The following PRKAR2A variants were observed in gnomAD, a reference collection of about 807,000 sequenced individuals.
PRKAR2A encodes protein kinase cAMP-dependent type II regulatory subunit alpha, also known as cAMP-dependent protein kinase type II-alpha regulatory subunit.
PRKAR2A carries 29 observed loss-of-function variants against 51.9 expected under a neutral mutation model. That is an observed-to-expected ratio of 0.56 (90% CI 0.42 to 0.76). The LOEUF (loss-of-function observed/expected upper bound fraction) is 0.76, where lower values mean the gene tolerates loss of function less well. PRKAR2A is among the 30% of genes least tolerant of loss of function. The pLI, the probability that PRKAR2A is intolerant of heterozygous loss-of-function variation, is 0.00. For synonymous variants in PRKAR2A, 178 were observed against 186.2 expected (o/e 0.96, Z 0.36); for missense variants, 445 against 512.1 (o/e 0.87, Z 1.26).
intron 4 of PRKAR2A, among the ~76,000 whole-genome samples, chr3:48,787,112 C>G (rs934095587): frequency 6.6e-6 from 1 of 152,064 alleles, no homozygotes; most frequent in African/African-American, 2.4e-5. Flanking sequence ...GGATCCTGGA[C>G]TGGATCCTCT....
At chr3:48,806,704 A>G (rs1254214222) in intron 2 of PRKAR2A, among the ~76,000 whole-genome samples, 1 of 152,230 alleles carries the variant, frequency 6.6e-6, no homozygotes, top group African/African-American at 2.4e-5. Flanking sequence ...TATACCAGAT[A>G]AAAGGGCAAA....
intron 1 of PRKAR2A, among the ~76,000 whole-genome samples, chr3:48,813,056 CA>C (rs2082802507): frequency 6.6e-6 from 1 of 151,890 alleles, no homozygotes. Flanking sequence ...TTTCTGGATA[CA>C]GAAGACAAAA....
intron 1 of PRKAR2A, among the ~76,000 whole-genome samples, chr3:48,821,211 T>C (rs984174820): frequency 1.3e-5 from 2 of 152,130 alleles, no homozygotes; most frequent in Admixed American, 6.5e-5. Context: ...AAGTCAGAGA[T>C]GACACAGAGC....
chr3:48,790,724 T>C, intron 3 of PRKAR2A, 97 bp from the exon 4 acceptor site: 1 of 711,756 alleles, frequency 1.4e-6, no homozygotes. Flanking sequence ...GTGGGAAAAA[T>C]AAAGAGCATG....
chr3:48,756,416 A>G lies in PRKAR2A; in HGVS notation c.902T>C (p.Ile301Thr). The G allele has an allele frequency of 6.2e-7, 1 of 1,614,028 alleles. No individual in the cohort carries two copies. Among genetic ancestry groups the G allele is most frequent in the Non-Finnish European group, 8.5e-7 (1 of 1,179,964 alleles). ...CAAGATGCTCACTTCGCCAGACTCT[A>G]TGATGTAAAAGCTATCAGCCTTTTC... The part of the protein sequence containing the change: ...QGEKADSFYI[I>T]ESGEVSILIR... Residue 301 changes from isoleucine to threonine, a missense_variant, in exon 9 of 11, where the codon ATA becomes ACA. Physicochemically the swap from Ile to Thr is moderately conservative, Grantham distance 89 (BLOSUM62 -1). Transcript: ENST00000265563.
intron 1 of PRKAR2A, among the ~76,000 whole-genome samples, chr3:48,819,160 C>T (rs974794541): frequency 2.0e-5 from 3 of 152,040 alleles, no homozygotes; most frequent in African/African-American, 4.8e-5. Context: ...GGATTACAGG[C>T]GCCAACCACC....
intron 9 of PRKAR2A, among the ~76,000 whole-genome samples, chr3:48,753,657 C>T (rs1045776055): frequency 2.0e-5 from 3 of 152,088 alleles, no homozygotes; most frequent in Non-Finnish European, 4.4e-5. Context: ...CACCAGCTCC[C>T]GTATTACGCA....
Position 48,764,921 on chromosome 3 carries a change from G to C in PRKAR2A, c.873+83C>G, listed in dbSNP as rs924040260. 3 of 1,298,536 alleles carry C rather than the reference G, an allele frequency of 2.3e-6. No homozygotes were observed. In the Admixed American group the frequency reaches 5.7e-5, roughly 25 times the overall value. The allele number at this position is 1,298,536 out of a possible 1,614,324, so 80.4% of individuals were successfully genotyped here. On this transcript the variant is annotated intron_variant, in intron 8 of 10. Coordinates refer to ENST00000265563, the MANE Select transcript of PRKAR2A (RefSeq NM_004157.4). ...ATTACAGGCGTGAGCCACTGCGTCC[G>C]GCAAGAAGTTTTTGAGATAAATGAT...
intron 1 of PRKAR2A, among the ~76,000 whole-genome samples, chr3:48,829,642 ATGTG>A (rs72059612): frequency 0.012 from 872 of 70,036 alleles, 91 homozygotes; most frequent in African/African-American, 0.046. Context: ...ACACACATAA[ATGTG>A]TGTGTGTATA....
rs2107479891 is a variant in PRKAR2A at position 48,847,030 on chromosome 3, T to C, written c.262+305A>G. Among the ~76,000 whole-genome samples, 1 of 152,328 alleles carries C rather than the reference T, an allele frequency of 6.6e-6. No homozygotes were observed. Among genetic ancestry groups the C allele is most frequent in the Non-Finnish European group, 1.5e-5 (1 of 68,038 alleles). ...CTGTTGTCTTCGAAGCCAAAACTGG[T>C]GAAGGGTCTTAAGCAAAGGCGAGGG... On this transcript the variant is annotated intron_variant, in intron 1 of 10. Transcript: ENST00000265563. The surrounding 1 kb of genome is among the most constrained non-coding windows in gnomAD (Gnocchi z 4.4).
At chr3:48,772,787 CCCA>C (rs759799724) in intron 6 of PRKAR2A, among the ~76,000 whole-genome samples, 165 bp downstream of exon 6, 1 of 152,180 alleles carries the variant, frequency 6.6e-6, no homozygotes, top group Non-Finnish European at 1.5e-5. Context: ...ACTACACATG[CCCA>C]CCACCACACC....
intron 6 of PRKAR2A, among the ~76,000 whole-genome samples, chr3:48,770,947 C>G (rs752370842): frequency 6.6e-6 from 1 of 152,116 alleles, no homozygotes; most frequent in Non-Finnish European, 1.5e-5. Flanking sequence ...GTTATTTGGC[C>G]GGGTGCGGTG....
chr3:48,833,574 G>T (rs2083230167), intron 1 of PRKAR2A, among the ~76,000 whole-genome samples: 1 of 150,292 alleles, frequency 6.7e-6, no homozygotes, highest in Non-Finnish European at 1.5e-5. Context: ...CGGATGTGGT[G>T]TCAGGCACCT....
intron 8 of PRKAR2A, among the ~76,000 whole-genome samples, chr3:48,760,357 CA>C (rs1313721001): frequency 1.3e-5 from 2 of 151,636 alleles, no homozygotes; most frequent in Admixed American, 1.3e-4. Flanking sequence ...GACTCTGTCT[CA>C]AAAAACAAAA....
chr3:48,821,312 C>T (rs1050601151), intron 1 of PRKAR2A, among the ~76,000 whole-genome samples: 1 of 152,168 alleles, frequency 6.6e-6, no homozygotes, highest in Non-Finnish European at 1.5e-5. Context: ...ACCAGCTTTG[C>T]TTCATGCTCC....
intron 1 of PRKAR2A, among the ~76,000 whole-genome samples, chr3:48,811,649 G>C (rs1482585457): frequency 6.6e-6 from 1 of 152,146 alleles, no homozygotes; most frequent in Non-Finnish European, 1.5e-5. Flanking sequence ...GATGAAAGGA[G>C]GGGAGAATGA....
At chr3:48,767,823 C>CTGAG (rs2107239488) in intron 6 of PRKAR2A, among the ~76,000 whole-genome samples, 1 of 151,700 alleles carries the variant, frequency 6.6e-6, no homozygotes, top group East Asian at 2.0e-4. Flanking sequence ...ACTAGGGAGG[C>CTGAG]TGAGACAGGA....
chr3:48,750,225 TG>T lies in PRKAR2A; in HGVS notation c.*1359del, dbSNP rs1335162696. The T allele has an allele frequency of 4.6e-5, 7 of 152,192 alleles. No homozygotes were observed. Among genetic ancestry groups the T allele is most frequent in the African/African-American group, 1.7e-4 (7 of 41,530 alleles). 9.4% of individuals were successfully genotyped at this position (152,192 alleles called of 1,614,324 possible). A position where few individuals can be genotyped will look rare whatever the true frequency, so the allele number is the denominator to read the frequency against. On this transcript the variant is annotated 3_prime_UTR_variant, in exon 11 of 11. Coordinates refer to ENST00000265563, the MANE Select transcript of PRKAR2A (RefSeq NM_004157.4). Reference sequence around the variant, plus strand: ...TTAAAAATACAAAATTCGCCCGGCATGGTGGCGCATGCCTGTAATCCCAGCT... The same window carrying T: ...TTAAAAATACAAAATTCGCCCGGCATGTGGCGCATGCCTGTAATCCCAGCT...
chr3:48,794,074 A>G (rs771419619), intron 2 of PRKAR2A, 25 bp from the exon 3 acceptor site: 175 of 1,555,536 alleles, frequency 1.1e-4, no homozygotes, highest in Non-Finnish European at 1.5e-4. Context: ...AAAAAAACAA[A>G]AAGAATGAAT....
Sources: allele counts gnomAD v4.1 joint callset (sites outside exome capture counted in the v4.1 genomes callset), GRCh38; gene constraint gnomAD v4.1.1; non-coding constraint Gnocchi (gnomAD v3.1); transcripts MANE v1.5; gene names NCBI Gene and HGNC (gene_info 2026-07-23, HGNC 2026-07-21).